The following ARPP21 variants were observed in gnomAD, a reference collection of about 807,000 sequenced individuals.
ARPP21 encodes cAMP regulated phosphoprotein 21, also known as cAMP-regulated phosphoprotein 21.
Under a neutral mutation model 113.2 loss-of-function variants are expected in ARPP21, and 69 were observed. That is an observed-to-expected ratio of 0.61 (90% CI 0.50 to 0.74). The LOEUF (loss-of-function observed/expected upper bound fraction) is 0.74, where lower values mean the gene tolerates loss of function less well. Ranked by LOEUF, ARPP21 falls within the 30% of genes least tolerant of loss-of-function variation. The pLI, the probability that ARPP21 is intolerant of heterozygous loss-of-function variation, is 0.00. For missense variants in ARPP21, 1,070 were observed against 1,037.4 expected (o/e 1.03, Z -0.43); for synonymous variants, 368 against 375.5 (o/e 0.98, Z 0.23).
intron 14 of ARPP21, among the ~76,000 whole-genome samples, chr3:35,728,692 T>G (rs772185019): frequency 1.4e-4 from 22 of 152,148 alleles, no homozygotes; most frequent in Admixed American, 3.9e-4. Flanking sequence ...ACCATGCCAC[T>G]CCTTAAAAGG....
intron 1 of ARPP21, among the ~76,000 whole-genome samples, chr3:35,674,751 G>A (rs757073001): frequency 2.6e-5 from 4 of 151,860 alleles, no homozygotes; most frequent in Non-Finnish European, 4.4e-5. Context: ...AAACCCAAAT[G>A]TGTCCATGTG....
intron 20 of ARPP21, 150 bp from the exon 21 acceptor site, chr3:35,793,551 A>G: frequency 3.2e-6 from 2 of 634,372 alleles, no homozygotes. Context: ...GACTTTCCTA[A>G]TGTGAAACAG....
rs566633669 is a variant in ARPP21 at position 35,664,551 on chromosome 3, C to A, written c.-212-15236C>A. On this transcript the variant is annotated intron_variant, in intron 1 of 20. Transcript: ENST00000684406. ...TGCCAGAGCGTTCACGATGACGTCC[C>A]ATTCCTGTTAAGCTATGCCTCTATC... 2.0e-4 allele frequency among the ~76,000 whole-genome samples: 30 copies of A among 152,292 alleles called. 1 individual carries two copies. The highest frequency in any genetic ancestry group is 7.2e-4 in the African/African-American group (30 of 41,568).
intron 19 of ARPP21, among the ~76,000 whole-genome samples, chr3:35,760,993 A>G (rs1266256814): frequency 6.6e-6 from 1 of 152,102 alleles, no homozygotes; most frequent in Non-Finnish European, 1.5e-5. Flanking sequence ...TGACTGTAAC[A>G]GATTCTAATG....
chr3:35,766,358 A>G (rs995365385), intron 19 of ARPP21, among the ~76,000 whole-genome samples: 1 of 152,138 alleles, frequency 6.6e-6, no homozygotes, highest in Non-Finnish European at 1.5e-5. Context: ...CTCTTTATTG[A>G]TGTAAACAAG....
At chr3:35,783,229 TA>T (rs2096562345) in intron 19 of ARPP21, among the ~76,000 whole-genome samples, 1 of 152,158 alleles carries the variant, frequency 6.6e-6, no homozygotes, top group African/African-American at 2.4e-5. Flanking sequence ...ATATTGTCTT[TA>T]GAGCAACTAT....
chr3:35,702,501 C>T (rs935982314), intron 9 of ARPP21, among the ~76,000 whole-genome samples: 1 of 151,714 alleles, frequency 6.6e-6, no homozygotes, highest in African/African-American at 2.4e-5. Context: ...GAGATATCTT[C>T]CAAATGCATG....
intron 19 of ARPP21, chr3:35,792,081 T>A (rs1431392492): frequency 4.5e-6 from 1 of 222,808 alleles, no homozygotes; most frequent in Non-Finnish European, 8.8e-6. Context: ...TAGTAGTCAA[T>A]TGGTATCAAT....
At chr3:35,682,939 C>CATATTTTACATCAGATGTAAAATGG in intron 4 of ARPP21, 50 bp downstream of exon 4, 2 of 1,470,570 alleles carry the variant, frequency 1.4e-6, no homozygotes, top group Non-Finnish European at 1.9e-6. Flanking sequence ...GTATAAATTA[C>CATATTTTACATCAGATGTAAAATGG]ATATTTTACA....
intron 5 of ARPP21, among the ~76,000 whole-genome samples, chr3:35,687,448 C>A (rs1559618377): frequency 6.7e-6 from 1 of 150,316 alleles, no homozygotes; most frequent in Non-Finnish European, 1.5e-5. Context: ...AAAAATAAAC[C>A]TGTAGAAAAA....
chr3:35,713,484 C>T (rs903886098), intron 11 of ARPP21, among the ~76,000 whole-genome samples: 10 of 152,154 alleles, frequency 6.6e-5, no homozygotes, highest in Non-Finnish European at 1.3e-4. Flanking sequence ...CATCCTCTAG[C>T]TCCTGGGCTC....
chr3:35,647,087 T>C (rs1438982476), intron 1 of ARPP21, among the ~76,000 whole-genome samples: 1 of 152,192 alleles, frequency 6.6e-6, no homozygotes, highest in Non-Finnish European at 1.5e-5. Flanking sequence ...TGCTTACCCT[T>C]AGCATTGTTA....
chr3:35,742,907 G>T (rs2094762195), intron 18 of ARPP21, among the ~76,000 whole-genome samples: 1 of 152,160 alleles, frequency 6.6e-6, no homozygotes, highest in Admixed American at 6.5e-5. Context: ...GTAAGAAAGT[G>T]ACCTTAATAT....
chr3:35,689,359 G>C lies in ARPP21; in HGVS notation c.459G>C (p.Leu153=), dbSNP rs1176880717. The part of the protein sequence containing the change: ...DSTGIDLHEF[L]INTLKNNSRD... ...CAGGCATAGACTTACACGAGTTTCT[G>C]ATTAACACATTAAAGAATAATTCCA... is the stretch of plus-strand genomic sequence containing the variant. Residue 153 remains leucine, a synonymous_variant, in exon 7 of 21, where the codon CTG becomes CTC. Transcript: ENST00000684406. 1.3e-6 allele frequency: 2 copies of C among 1,575,858 alleles called. No homozygotes were observed. Among genetic ancestry groups the C allele is most frequent in the African/African-American group, 2.7e-5 (2 of 73,920 alleles).
intron 14 of ARPP21, among the ~76,000 whole-genome samples, chr3:35,722,573 G>A (rs1265403336): frequency 1.3e-5 from 2 of 152,194 alleles, no homozygotes; most frequent in African/African-American, 2.4e-5. Flanking sequence ...AGATAAGACA[G>A]GTGAGTGTCA....
intron 19 of ARPP21, among the ~76,000 whole-genome samples, chr3:35,779,611 G>T (rs538212026): frequency 5.7e-4 from 86 of 151,986 alleles, no homozygotes; most frequent in African/African-American, 1.9e-3. Context: ...GGGGGCAGGT[G>T]GTGGTTAGAA....
At chr3:35,642,188 T>C (rs1354323228) in intron 1 of ARPP21, 1 of 152,222 alleles carries the variant, frequency 6.6e-6, no homozygotes, top group African/African-American at 2.4e-5. Flanking sequence ...TGCAAATTGC[T>C]GATCTCCCAG....
intron 1 of ARPP21, among the ~76,000 whole-genome samples, chr3:35,664,069 A>G (rs536389040): frequency 1.3e-5 from 2 of 152,354 alleles, no homozygotes; most frequent in South Asian, 2.1e-4. Context: ...AGAAAGGAGT[A>G]TCTTCAAAAA....
At chr3:35,649,841 T>C (rs988843143) in intron 1 of ARPP21, among the ~76,000 whole-genome samples, 8 of 152,244 alleles carry the variant, frequency 5.3e-5, no homozygotes, top group African/African-American at 1.4e-4. Flanking sequence ...ACTGGACCAT[T>C]GAGAACTGAA....
Sources: allele counts gnomAD v4.1 joint callset (sites outside exome capture counted in the v4.1 genomes callset), GRCh38; gene constraint gnomAD v4.1.1; transcripts MANE v1.5; gene names NCBI Gene and HGNC (gene_info 2026-07-23, HGNC 2026-07-21).